LUZP2: variants seen among roughly 807,000 people sequenced by gnomAD.
LUZP2 encodes the protein leucine zipper protein 2.
LUZP2 carries 52 observed loss-of-function variants against 51.6 expected under a neutral mutation model. The observed-to-expected ratio is 1.01, with a 90% CI of 0.81 to 1.27. The LOEUF (loss-of-function observed/expected upper bound fraction) is 1.27, where lower values mean the gene tolerates loss of function less well. Ranked by LOEUF, LUZP2 falls within the 50% of genes most tolerant of loss-of-function variation. LUZP2 has a pLI of 0.00. For synonymous variants in LUZP2, 154 were observed against 137.3 expected, an observed-to-expected ratio of 1.12 and a Z score of -0.85; for missense variants, 436 against 395.4, an observed-to-expected ratio of 1.10 and a Z score of -0.87.
chr11:24,999,498 AAGG>A (rs1363300173), intron 9 of LUZP2, among the ~76,000 whole-genome samples: 2 of 151,472 alleles, frequency 1.3e-5, no homozygotes, highest in African/African-American at 4.9e-5. Flanking sequence ...AGAGAAAGAG[AAGG>A]AGAAGAAGAG....
At chr11:24,681,069 C>T (rs1407753186) in intron 1 of LUZP2, among the ~76,000 whole-genome samples, 1 of 151,118 alleles carries the variant, frequency 6.6e-6, no homozygotes, top group Non-Finnish European at 1.5e-5. Context: ...GCAAGCTCCG[C>T]TTCCCGGGTT....
intron 1 of LUZP2, among the ~76,000 whole-genome samples, chr11:24,654,789 T>A (rs573312214): frequency 7.5e-4 from 114 of 151,876 alleles, no homozygotes; most frequent in Non-Finnish European, 1.4e-3. Flanking sequence ...CCTCCAAAAG[T>A]GCTGGGATTA....
chr11:24,747,750 G>A (rs552196085), intron 4 of LUZP2, among the ~76,000 whole-genome samples: 23 of 151,988 alleles, frequency 1.5e-4, no homozygotes, highest in Admixed American at 2.6e-4. Flanking sequence ...TGGGGGATGG[G>A]GATGAGGTTC....
intron 1 of LUZP2, among the ~76,000 whole-genome samples, chr11:24,721,229 AAAT>A (rs1858258629): frequency 1.3e-5 from 2 of 152,240 alleles, no homozygotes; most frequent in African/African-American, 4.8e-5. Context: ...AATTGTTAGC[AAAT>A]AATAACACCT....
At chr11:25,039,241 C>T (rs796645628) in intron 9 of LUZP2, among the ~76,000 whole-genome samples, 3 of 152,204 alleles carry the variant, frequency 2.0e-5, no homozygotes, top group African/African-American at 7.2e-5. Flanking sequence ...TTGCAGCTCC[C>T]TTCTGTGGAT....
At chr11:24,950,924 T>C (rs1855060004) in intron 7 of LUZP2, among the ~76,000 whole-genome samples, 1 of 151,682 alleles carries the variant, frequency 6.6e-6, no homozygotes, top group African/African-American at 2.4e-5. Context: ...AGAAAGTTTT[T>C]TAGTTTTTTT....
chr11:24,868,213 C>T (rs906637140), intron 5 of LUZP2, among the ~76,000 whole-genome samples: 7 of 65,624 alleles, frequency 1.1e-4, no homozygotes, highest in African/African-American at 1.8e-4. Context: ...TCCTCTCCTT[C>T]CTTTCCTGTG....
chr11:24,499,852 AG>A (rs1564954151), intron 1 of LUZP2, among the ~76,000 whole-genome samples: 1 of 152,064 alleles, frequency 6.6e-6, no homozygotes, highest in Non-Finnish European at 1.5e-5. Flanking sequence ...ATAGGTCTGA[AG>A]TTCAGTTCTA....
At chr11:25,022,634 T>G (rs984179928) in intron 9 of LUZP2, among the ~76,000 whole-genome samples, 2 of 152,006 alleles carry the variant, frequency 1.3e-5, no homozygotes, top group Non-Finnish European at 2.9e-5. Context: ...TATTAGAAAA[T>G]TATACAATCA....
chr11:24,741,930 T>A lies in LUZP2; in HGVS notation c.333+3628T>A, dbSNP rs867163975. On this transcript the variant is annotated intron_variant, in intron 4 of 11. Coordinates refer to ENST00000336930, the MANE Select transcript of LUZP2 (RefSeq NM_001009909.4). ...CTATATAATATATACATTTATATAT[T>A]ATATATAAATATATACATTTATATA... is the stretch of plus-strand genomic sequence containing the variant. Among the ~76,000 whole-genome samples, 24 of 19,456 alleles carry A rather than the reference T, an allele frequency of 1.2e-3. 1 individual carries two copies. Among genetic ancestry groups the A allele is most frequent in the African/African-American group, 2.1e-3 (20 of 9,626 alleles). The allele number at this position is 19,456 out of a possible 152,430, so 12.8% of individuals were successfully genotyped here.
At chr11:25,003,469 C>A (rs1191859208) in intron 9 of LUZP2, among the ~76,000 whole-genome samples, 1 of 152,138 alleles carries the variant, frequency 6.6e-6, no homozygotes, top group Non-Finnish European at 1.5e-5. Context: ...GTGGGTATAA[C>A]TGGATATAGA....
At chr11:24,598,100 CAA>C (rs200140320) in intron 1 of LUZP2, among the ~76,000 whole-genome samples, 81 of 100,250 alleles carry the variant, frequency 8.1e-4, no homozygotes, top group Middle Eastern at 5.2e-3. Context: ...GACTCTGTCT[CAA>C]AAAAAAAAAA....
chr11:24,602,158 G>GTA lies in LUZP2; in HGVS notation c.62+104859_62+104860dup, dbSNP rs1491089624. On this transcript the variant is annotated intron_variant, in intron 1 of 11. Transcript: ENST00000336930. Reference sequence around the variant, plus strand: ...TGTATATATGTATATATGTATATATGTATATATGTGTATATATATGTGTAT... The same window carrying GTA: ...TGTATATATGTATATATGTATATATGTATATATATGTGTATATATATGTGTAT... Among the ~76,000 whole-genome samples, 1,028 of 122,952 alleles carry GTA rather than the reference G, an allele frequency of 8.4e-3. 49 individuals are homozygous for GTA. Among genetic ancestry groups the GTA allele is most frequent in the Admixed American group, 0.027 (308 of 11,340 alleles). The allele number at this position is 122,952 out of a possible 152,430, so 80.7% of individuals were successfully genotyped here.
intron 1 of LUZP2, among the ~76,000 whole-genome samples, chr11:24,530,967 T>C (rs1850974523): frequency 1.3e-5 from 2 of 149,888 alleles, no homozygotes. Flanking sequence ...ACATCTGTGT[T>C]CTAATTATTT....
intron 5 of LUZP2, among the ~76,000 whole-genome samples, chr11:24,809,674 T>A (rs1849959954): frequency 6.6e-6 from 1 of 151,790 alleles, no homozygotes; most frequent in Non-Finnish European, 1.5e-5. Context: ...TTTAAAAAAA[T>A]GTTTTTAAAT....
chr11:25,072,578 T>C (rs766910223), intron 10 of LUZP2, among the ~76,000 whole-genome samples: 1 of 152,120 alleles, frequency 6.6e-6, no homozygotes, highest in Non-Finnish European at 1.5e-5. Context: ...TAAAATTATA[T>C]TTACTCTTTA....
intron 7 of LUZP2, among the ~76,000 whole-genome samples, chr11:24,935,307 T>C (rs780315665): frequency 6.6e-6 from 1 of 152,208 alleles, no homozygotes; most frequent in Non-Finnish European, 1.5e-5. Flanking sequence ...GATGCAATCA[T>C]GAGTCCTTTG....
chr11:24,501,252 C>T (rs1433626577), intron 1 of LUZP2, among the ~76,000 whole-genome samples: 1 of 152,190 alleles, frequency 6.6e-6, no homozygotes, highest in Non-Finnish European at 1.5e-5. Context: ...AGTTTTGCAC[C>T]TTAGTCACCT....
At chr11:24,571,625 A>G (rs1852445983) in intron 1 of LUZP2, among the ~76,000 whole-genome samples, 1 of 152,106 alleles carries the variant, frequency 6.6e-6, no homozygotes, top group South Asian at 2.1e-4. Context: ...AGAAATTAAT[A>G]GGTAATTTGG....
Sources: allele counts gnomAD v4.1 joint callset (sites outside exome capture counted in the v4.1 genomes callset), GRCh38; gene constraint gnomAD v4.1.1; transcripts MANE v1.5; gene names NCBI Gene and HGNC (gene_info 2026-07-23, HGNC 2026-07-21).